RBM47: variants seen among roughly 807,000 people sequenced by gnomAD.
RBM47 encodes the protein RNA binding motif protein 47, also known as RNA-binding protein 47.
RBM47 carries 21 observed loss-of-function variants against 47.1 expected under a neutral mutation model. The ratio of observed to expected loss-of-function variants is 0.45; its 90% CI spans 0.32 to 0.64. The LOEUF (loss-of-function observed/expected upper bound fraction) is 0.64, where lower values mean the gene tolerates loss of function less well. Among genes scored for constraint, RBM47 ranks in the 30% least tolerant of loss-of-function variants. RBM47 has a pLI of 0.05. For synonymous variants in RBM47, 375 were observed against 361.7 expected (o/e 1.04, Z -0.42); for missense variants, 708 against 870.9 (o/e 0.81, Z 2.35).
At chr4:40,514,112 C>T (rs1725285956) in intron 2 of RBM47, among the ~76,000 whole-genome samples, 1 of 152,142 alleles carries the variant, frequency 6.6e-6, no homozygotes, top group South Asian at 2.1e-4. Context: ...TTCATGAAAC[C>T]AGAACCACCA....
At chr4:40,464,783 C>A (rs1468310492) in intron 3 of RBM47, among the ~76,000 whole-genome samples, 3 of 144,906 alleles carry the variant, frequency 2.1e-5, no homozygotes, top group Non-Finnish European at 4.5e-5. Flanking sequence ...CCCAGCTACT[C>A]GGGAGGCTGA....
Position 40,426,155 on chromosome 4 carries a change from A to G in RBM47, c.1543-12T>C. ...GTTATTGGGCGGCCCTGAGGAGAAG[A>G]GACAAAAAGGAGCCTTCCTGAACAC... On this transcript the variant is annotated splice_polypyrimidine_tract_variant and intron_variant, in intron 6 of 6. Coordinates refer to ENST00000295971, the MANE Select transcript of RBM47 (RefSeq NM_001098634.2). The G allele has an allele frequency of 6.2e-7, 1 of 1,612,274 alleles. No homozygotes were observed. The highest frequency in any genetic ancestry group is 8.5e-7 in the Non-Finnish European group (1 of 1,178,858).
At chr4:40,435,551 C>T (rs1313099184) in intron 5 of RBM47, among the ~76,000 whole-genome samples, 1 of 152,032 alleles carries the variant, frequency 6.6e-6, no homozygotes, top group South Asian at 2.1e-4. Context: ...CCATCTCAAA[C>T]AACAACAAAA....
At chr4:40,629,365 T>C (rs1266521678) in intron 1 of RBM47, 31 bp downstream of exon 1, 3 of 152,074 alleles carry the variant, frequency 2.0e-5, no homozygotes, top group Non-Finnish European at 4.4e-5. Flanking sequence ...TAAGGGACAA[T>C]AGTTAGAAGG....
Position 40,472,900 on chromosome 4 carries a change from T to A in RBM47, c.-154-6201A>T, listed in dbSNP as rs186124321. ...AATCAGCTAAAGAAAAAAGATAGCA[T>A]CTAAAAGAGTGCTAGACTTGAAATG... On this transcript the variant is annotated intron_variant, in intron 2 of 6. Transcript: ENST00000295971. Among the ~76,000 whole-genome samples, 74 of 152,270 alleles carry A rather than the reference T, an allele frequency of 4.9e-4. 1 individual carries two copies. The highest frequency in any genetic ancestry group is 1.8e-3 in the African/African-American group (73 of 41,554).
At chr4:40,437,544 T>C (rs1712836070) in intron 4 of RBM47, among the ~76,000 whole-genome samples, 1 of 152,162 alleles carries the variant, frequency 6.6e-6, no homozygotes, top group Non-Finnish European at 1.5e-5. Flanking sequence ...CATATTCCTG[T>C]GATTTTACCG....
chr4:40,500,311 C>T (rs1723178421), intron 2 of RBM47, among the ~76,000 whole-genome samples: 1 of 149,120 alleles, frequency 6.7e-6, no homozygotes, highest in South Asian at 2.1e-4. Context: ...CAGACTTCGT[C>T]CCCCCCCAAA....
intron 1 of RBM47, among the ~76,000 whole-genome samples, chr4:40,616,247 T>G (rs1028574978): frequency 1.0e-4 from 15 of 149,970 alleles, no homozygotes; most frequent in African/African-American, 3.2e-4. Flanking sequence ...CCAGCTACTC[T>G]GGAGGCTGAG....
At chr4:40,586,442 AG>A (rs1281229459) in intron 1 of RBM47, among the ~76,000 whole-genome samples, 2 of 151,800 alleles carry the variant, frequency 1.3e-5, no homozygotes, top group Non-Finnish European at 2.9e-5. Context: ...TTTTGAAAGC[AG>A]GCATGTTGGA....
At chr4:40,440,305 G>A (rs1713428013) in intron 3 of RBM47, among the ~76,000 whole-genome samples, 1 of 152,050 alleles carries the variant, frequency 6.6e-6, no homozygotes. Flanking sequence ...GGTGGGAGGG[G>A]GAAGCCTGGC....
At chr4:40,568,428 CAAA>C (rs35434439) in intron 1 of RBM47, among the ~76,000 whole-genome samples, 636 of 57,570 alleles carry the variant, frequency 0.011, 9 homozygotes, top group African/African-American at 0.036. Flanking sequence ...AACCCTGTCT[CAAA>C]AAAAAAAAAA....
Position 40,424,034 on chromosome 4 carries a change from G to A in RBM47, c.*1870C>T, listed in dbSNP as rs1245734248. ...TTAGCGGTGCTTAAAGGCCTCAGTAGGCACTCAATAATTTTATAGAATAGT... is the reference window on the plus strand; with the variant it reads ...TTAGCGGTGCTTAAAGGCCTCAGTAAGCACTCAATAATTTTATAGAATAGT... On this transcript the variant is annotated 3_prime_UTR_variant, in exon 7 of 7. Coordinates refer to ENST00000295971, the MANE Select transcript of RBM47 (RefSeq NM_001098634.2). 2 of 152,042 alleles carry A rather than the reference G, an allele frequency of 1.3e-5. No individual in the cohort carries two copies. Among genetic ancestry groups the A allele is most frequent in the African/African-American group, 2.4e-5 (1 of 41,382 alleles). 9.4% of individuals were successfully genotyped at this position (152,042 alleles called of 1,614,324 possible).
At chr4:40,443,752 A>G (rs945869825) in intron 3 of RBM47, among the ~76,000 whole-genome samples, 3 of 139,424 alleles carry the variant, frequency 2.2e-5, no homozygotes, top group African/African-American at 8.2e-5. Flanking sequence ...AAAAAAAAAA[A>G]GGTACACTGA....
intron 3 of RBM47, among the ~76,000 whole-genome samples, chr4:40,442,003 C>T (rs1283601127): frequency 6.6e-6 from 1 of 152,002 alleles, no homozygotes; most frequent in African/African-American, 2.4e-5. Flanking sequence ...TTTTTCACTC[C>T]AATTTTAGTA....
At chr4:40,485,977 G>A (rs1301483488) in intron 2 of RBM47, among the ~76,000 whole-genome samples, 1 of 150,342 alleles carries the variant, frequency 6.7e-6, no homozygotes, top group African/African-American at 2.5e-5. Flanking sequence ...GGTGTGAGGT[G>A]GGAGAACTGC....
At chr4:40,486,198 T>A (rs1012139389) in intron 2 of RBM47, among the ~76,000 whole-genome samples, 2 of 151,064 alleles carry the variant, frequency 1.3e-5, no homozygotes. Flanking sequence ...TCCCAATCAC[T>A]CTTCCTTTTT....
chr4:40,519,009 C>T (rs923435483), intron 2 of RBM47, among the ~76,000 whole-genome samples: 1 of 151,110 alleles, frequency 6.6e-6, no homozygotes, highest in Non-Finnish European at 1.5e-5. Context: ...GCCTAGGCAA[C>T]ATAGTGAGAC....
chr4:40,583,714 C>T (rs1340093508), intron 1 of RBM47, among the ~76,000 whole-genome samples: 4 of 151,210 alleles, frequency 2.6e-5, no homozygotes, highest in East Asian at 4.0e-4. Flanking sequence ...AAAAATTAGC[C>T]GGGCGCGGTG....
intron 2 of RBM47, among the ~76,000 whole-genome samples, chr4:40,468,005 G>A (rs1030554582): frequency 1.3e-5 from 2 of 152,182 alleles, no homozygotes; most frequent in Admixed American, 6.5e-5. Context: ...AATAAAGGAG[G>A]CCAGGTGTGG....
Sources: allele counts gnomAD v4.1 joint callset (sites outside exome capture counted in the v4.1 genomes callset), GRCh38; gene constraint gnomAD v4.1.1; transcripts MANE v1.5; gene names NCBI Gene and HGNC (gene_info 2026-07-23, HGNC 2026-07-21).